PREX2: variants seen among roughly 807,000 people sequenced by gnomAD.
PREX2 encodes phosphatidylinositol-3,4,5-trisphosphate dependent Rac exchange factor 2, also known as phosphatidylinositol 3,4,5-trisphosphate-dependent Rac exchanger 2 protein.
PREX2 carries 107 observed loss-of-function variants against 203.2 expected under a neutral mutation model. The ratio of observed to expected loss-of-function variants is 0.53; its 90% CI spans 0.45 to 0.62. PREX2 has a LOEUF of 0.62. Among genes scored for constraint, PREX2 ranks in the 20% least tolerant of loss-of-function variants. The pLI is 0.00. For missense variants in PREX2, 1,777 were observed against 1,955.9 expected, an observed-to-expected ratio of 0.91 and a Z score of 1.72; for synonymous variants, 672 against 663.6, an observed-to-expected ratio of 1.01 and a Z score of -0.19.
At chr8:67,953,173 CCCCCCCG>C (rs534981411) in intron 1 of PREX2, among the ~76,000 whole-genome samples, 418 of 108,718 alleles carry the variant, frequency 3.8e-3, no homozygotes, top group East Asian at 6.4e-3. Flanking sequence ...ACAATTCCCT[CCCCCCCG>C]CCCCCCGCCC....
At chr8:68,193,833 C>T (rs1194790732) in intron 37 of PREX2, among the ~76,000 whole-genome samples, 3 of 152,180 alleles carry the variant, frequency 2.0e-5, no homozygotes, top group African/African-American at 7.2e-5. Context: ...AGGCAGCAGC[C>T]TCTCCATCTG....
chr8:68,120,002 A>G (rs971747617), intron 28 of PREX2, among the ~76,000 whole-genome samples, 194 bp from the exon 29 acceptor site: 2 of 152,220 alleles, frequency 1.3e-5, no homozygotes, highest in Non-Finnish European at 2.9e-5. Flanking sequence ...ATGGTAAGAT[A>G]GTAAGAAATG....
intron 1 of PREX2, among the ~76,000 whole-genome samples, chr8:68,001,457 TG>T (rs1309646757): frequency 1.3e-5 from 2 of 152,140 alleles, no homozygotes; most frequent in African/African-American, 4.8e-5. Flanking sequence ...GATGCTGTTG[TG>T]GTTGCAGAGA....
In PREX2 at chr8:68,077,465, C is replaced by A. The variant is rs1235901571; in HGVS notation, c.1638C>A (p.His546Gln). 6.2e-7 allele frequency: 1 copy of A among 1,609,150 alleles called. No individual in the cohort carries two copies. ...GACTCTGTGACAATGGATTTATGCA[C>A]CATGGTAGGGATTTTTTACCCTGGG... Reference protein sequence around the residue: ...GVGLCDNGFMHHVLEKSEFKD... With the variant: ...GVGLCDNGFMQHVLEKSEFKD... The change falls in exon 15 of 40, where the codon CAC becomes CAA. Residue 546 changes from histidine (H) to glutamine (Q), a missense_variant. Transcript: ENST00000288368.
chr8:67,989,350 T>C (rs946259006), intron 1 of PREX2, among the ~76,000 whole-genome samples: 2 of 152,334 alleles, frequency 1.3e-5, no homozygotes, highest in African/African-American at 4.8e-5. Context: ...AAATGTATTT[T>C]TAAAACTTCT....
intron 37 of PREX2, among the ~76,000 whole-genome samples, chr8:68,209,269 G>C (rs186234408): frequency 1.3e-5 from 2 of 152,164 alleles, no homozygotes; most frequent in Non-Finnish European, 2.9e-5. Context: ...CTTCAGCTTA[G>C]TAAAGTATCA....
intron 35 of PREX2, among the ~76,000 whole-genome samples, chr8:68,186,027 A>G (rs1431897344): frequency 6.7e-6 from 1 of 150,330 alleles, no homozygotes; most frequent in Admixed American, 6.6e-5. Context: ...TTTTTTAATT[A>G]AGGAAAGTGC....
chr8:68,117,768 TTCC>T, intron 26 of PREX2, among the ~76,000 whole-genome samples: 1 of 152,302 alleles, frequency 6.6e-6, no homozygotes, highest in East Asian at 1.9e-4. Context: ...TATCAAGCAC[TTCC>T]CTGTGCTAAA....
chr8:68,228,979 A>G (rs1813114358), intron 39 of PREX2, among the ~76,000 whole-genome samples: 1 of 150,410 alleles, frequency 6.6e-6, no homozygotes, highest in Admixed American at 6.6e-5. Flanking sequence ...AAAGAAAAAA[A>G]TGGCTATGTG....
chr8:68,228,944 T>TA (rs58993264), intron 39 of PREX2, among the ~76,000 whole-genome samples: 2,219 of 103,448 alleles, frequency 0.021, 97 homozygotes, highest in African/African-American at 0.072. Flanking sequence ...CTTGTCTCTT[T>TA]AAAAAAAAAA....
chr8:68,049,637 T>G (rs1280045430), intron 8 of PREX2, among the ~76,000 whole-genome samples: 1 of 152,136 alleles, frequency 6.6e-6, no homozygotes, highest in African/African-American at 2.4e-5. Context: ...GACTGTTGAA[T>G]TTGGATATTC....
intron 1 of PREX2, among the ~76,000 whole-genome samples, chr8:67,986,722 T>C (rs1200765553): frequency 6.6e-6 from 1 of 152,310 alleles, no homozygotes; most frequent in South Asian, 2.1e-4. Flanking sequence ...AAGAACACAG[T>C]GCCAACAACC....
intron 23 of PREX2, chr8:68,105,200 T>G (rs770036373): frequency 2.2e-6 from 3 of 1,367,852 alleles, no homozygotes; most frequent in Admixed American, 1.9e-5. Context: ...AGCACAGTTT[T>G]GATCTTCACA....
intron 30 of PREX2, among the ~76,000 whole-genome samples, chr8:68,121,402 C>T (rs1313949795): frequency 6.8e-6 from 1 of 147,264 alleles, no homozygotes. Context: ...AGTTTATCCA[C>T]AAAAAAAAAA....
intron 1 of PREX2, among the ~76,000 whole-genome samples, chr8:68,015,833 T>A (rs143253297): frequency 3.2e-4 from 49 of 152,338 alleles, no homozygotes; most frequent in African/African-American, 1.1e-3. Context: ...GTTAGAAAAT[T>A]CTAATTTTTT....
At chr8:68,217,351 GTTAT>G (rs1812863757) in intron 37 of PREX2, among the ~76,000 whole-genome samples, 1 of 152,004 alleles carries the variant, frequency 6.6e-6, no homozygotes. Flanking sequence ...TCTAATTCTG[GTTAT>G]TTAATTTTCT....
chr8:68,013,147 T>C (rs1807315043), intron 1 of PREX2, among the ~76,000 whole-genome samples: 1 of 152,194 alleles, frequency 6.6e-6, no homozygotes, highest in Non-Finnish European at 1.5e-5. Flanking sequence ...GATATCCCAG[T>C]GAACAAAGCA....
intron 15 of PREX2, 86 bp from the exon 16 acceptor site, chr8:68,080,357 G>T: frequency 4.3e-6 from 5 of 1,155,204 alleles, no homozygotes; most frequent in East Asian, 2.4e-5. Flanking sequence ...ATGGGTGCAG[G>T]TATTAATTTG....
intron 1 of PREX2, among the ~76,000 whole-genome samples, chr8:68,014,450 G>T (rs182155139): frequency 1.1e-4 from 17 of 152,184 alleles, no homozygotes; most frequent in African/African-American, 3.4e-4. Flanking sequence ...CGGGGTGCGG[G>T]GGGGGCGGCA....
Sources: gnomAD v4.1 joint callset for allele counts (sites outside exome capture counted in the v4.1 genomes callset) on GRCh38, gnomAD v4.1.1 for gene constraint, MANE v1.5 for transcripts, NCBI Gene and HGNC (gene_info 2026-07-23, HGNC 2026-07-21) for gene names.